Variants in B3GLCT observed in about 807,000 individuals in gnomAD.
The protein encoded by B3GLCT is beta-1,3-glucosyltransferase.
A neutral mutation model predicts 63.4 loss-of-function variants in B3GLCT; 65 were observed. The observed-to-expected ratio is 1.03, with a 90% CI of 0.84 to 1.26. The LOEUF is 1.26. Ranked by LOEUF, B3GLCT falls within the 50% of genes most tolerant of loss-of-function variation. The pLI is 0.00. For synonymous variants in B3GLCT, 233 were observed against 219.2 expected, an observed-to-expected ratio of 1.06 and a Z score of -0.55; for missense variants, 577 against 604.8, an observed-to-expected ratio of 0.95 and a Z score of 0.48.
intron 14 of B3GLCT, 58 bp from the exon 15 acceptor site, chr13:31,329,443 T>C (rs1341717042): frequency 6.3e-6 from 10 of 1,598,200 alleles, no homozygotes; most frequent in Middle Eastern, 1.7e-4. Context: ...CAAATGCTCT[T>C]CTGCAGCAAA....
At chr13:31,209,624 A>C (rs1364753448) in intron 1 of B3GLCT, among the ~76,000 whole-genome samples, 1 of 151,976 alleles carries the variant, frequency 6.6e-6, no homozygotes, top group South Asian at 2.1e-4. Context: ...ACCGGGTTTT[A>C]TGCTCTCCTG....
At chr13:31,240,519 T>C (rs886351602) in intron 4 of B3GLCT, among the ~76,000 whole-genome samples, 6 of 151,536 alleles carry the variant, frequency 4.0e-5, no homozygotes, top group African/African-American at 1.5e-4. Context: ...TTTTCATTTG[T>C]TAAGCCAGGA....
intron 1 of B3GLCT, among the ~76,000 whole-genome samples, chr13:31,213,727 G>A (rs1454996606): frequency 6.7e-6 from 1 of 148,172 alleles, no homozygotes; most frequent in East Asian, 2.0e-4. Flanking sequence ...ATGTCAGTTG[G>A]TGATAAGTGC....
chr13:31,232,440 T>TA (rs1870427882), intron 4 of B3GLCT, among the ~76,000 whole-genome samples: 1 of 151,754 alleles, frequency 6.6e-6, no homozygotes, highest in South Asian at 2.1e-4. Context: ...GGGGAGGTGC[T>TA]ACACACTTTT....
intron 1 of B3GLCT, among the ~76,000 whole-genome samples, chr13:31,206,146 T>G (rs1868938075): frequency 6.6e-6 from 1 of 152,220 alleles, no homozygotes. Context: ...TTAAATGGCC[T>G]CAGCCCGTTG....
intron 13 of B3GLCT, among the ~76,000 whole-genome samples, chr13:31,319,634 G>T (rs932521487): frequency 6.6e-6 from 1 of 151,954 alleles, no homozygotes; most frequent in African/African-American, 2.4e-5. Flanking sequence ...TGTTACTCAG[G>T]CATCTTTTCT....
chr13:31,251,479 A>G (rs1295889595), intron 6 of B3GLCT, among the ~76,000 whole-genome samples: 4 of 152,232 alleles, frequency 2.6e-5, no homozygotes, highest in South Asian at 2.1e-4. Context: ...AAAAAAGGTT[A>G]TAGGAATTGC....
intron 6 of B3GLCT, among the ~76,000 whole-genome samples, chr13:31,250,265 C>T (rs1051317857): frequency 2.0e-5 from 3 of 152,180 alleles, no homozygotes; most frequent in African/African-American, 7.2e-5. Flanking sequence ...CCTCCACCTC[C>T]CAGGTTCAAT....
At chr13:31,282,649 CA>C (rs11333268) in intron 10 of B3GLCT, among the ~76,000 whole-genome samples, 28,594 of 129,766 alleles carry the variant, frequency 0.22, 2,484 homozygotes, top group African/African-American at 0.25. Context: ...GACTCTGTCT[CA>C]AAAAAAAAAA....
At chr13:31,238,415 T>C (rs1051413990) in intron 4 of B3GLCT, among the ~76,000 whole-genome samples, 48 of 152,362 alleles carry the variant, frequency 3.2e-4, no homozygotes, top group African/African-American at 1.0e-3. Flanking sequence ...AAGCTTATCA[T>C]GCAGTTATAA....
chr13:31,283,772 A>G (rs1165888820), intron 10 of B3GLCT, among the ~76,000 whole-genome samples: 2 of 152,202 alleles, frequency 1.3e-5, no homozygotes, highest in African/African-American at 4.8e-5. Flanking sequence ...GGAACAGGGG[A>G]AAGATACATG....
At chr13:31,210,386 G>A (rs114859309) in intron 1 of B3GLCT, among the ~76,000 whole-genome samples, 1,785 of 152,306 alleles carry the variant, frequency 0.012, 42 homozygotes, top group African/African-American at 0.041. Flanking sequence ...TACTGAATCT[G>A]GAAATTAATA....
chr13:31,284,948 A>G (rs761254550), intron 11 of B3GLCT, among the ~76,000 whole-genome samples, 187 bp downstream of exon 11: 2 of 152,176 alleles, frequency 1.3e-5, no homozygotes, highest in South Asian at 2.1e-4. Flanking sequence ...AAGTGTTGCA[A>G]GTTTTTAGTA....
chr13:31,275,439 G>A (rs185565491), intron 9 of B3GLCT, among the ~76,000 whole-genome samples: 1 of 152,258 alleles, frequency 6.6e-6, no homozygotes. Flanking sequence ...TGTTGATGAT[G>A]TAGGATGCAT....
At chr13:31,284,607 T>A (rs1396140413) in intron 10 of B3GLCT, 41 bp from the exon 11 acceptor site, 2 of 1,091,730 alleles carry the variant, frequency 1.8e-6, no homozygotes, top group Non-Finnish European at 2.8e-6. Flanking sequence ...AGCTTCCTTG[T>A]GTAACTGTGC....
chr13:31,308,366 A>AAC (rs2137917494), intron 12 of B3GLCT, among the ~76,000 whole-genome samples: 1 of 145,432 alleles, frequency 6.9e-6, no homozygotes, highest in African/African-American at 2.5e-5. Context: ...AAAAACAAAA[A>AAC]AAAAAGCTAG....
chr13:31,226,197 T>C (rs1047156102), intron 3 of B3GLCT, among the ~76,000 whole-genome samples: 6 of 152,236 alleles, frequency 3.9e-5, no homozygotes, highest in Non-Finnish European at 8.8e-5. Context: ...GCTCTGGCTT[T>C]CCACTTACTG....
At chr13:31,227,833 G>A (rs541096787) in intron 3 of B3GLCT, among the ~76,000 whole-genome samples, 6 of 152,324 alleles carry the variant, frequency 3.9e-5, no homozygotes, top group African/African-American at 1.2e-4. Context: ...AAGATTCATG[G>A]TGGGGGAAAG....
chr13:31,292,106 T>G (rs1873690539), intron 12 of B3GLCT, among the ~76,000 whole-genome samples: 1 of 152,240 alleles, frequency 6.6e-6, no homozygotes, highest in Non-Finnish European at 1.5e-5. Context: ...GTTTATGTAA[T>G]GGATTACATT....
Sources: allele counts gnomAD v4.1 joint callset (sites outside exome capture counted in the v4.1 genomes callset), GRCh38; gene constraint gnomAD v4.1.1; transcripts MANE v1.5; gene names NCBI Gene and HGNC (gene_info 2026-07-23, HGNC 2026-07-21).